The following CLCN7 variants were observed in gnomAD, a reference collection of about 807,000 sequenced individuals.
CLCN7 encodes the protein H(+)/Cl(-) exchange transporter 7.
Under a neutral mutation model 102.1 loss-of-function variants are expected in CLCN7, and 60 were observed. That is an observed-to-expected ratio of 0.59 (90% CI 0.48 to 0.73). The LOEUF is 0.73. CLCN7 is among the 30% of genes least tolerant of loss of function. The pLI is 0.00. For synonymous variants in CLCN7, 560 were observed against 490.5 expected, an observed-to-expected ratio of 1.14 and a Z score of -1.87; for missense variants, 962 against 1,125.7, an observed-to-expected ratio of 0.85 and a Z score of 2.08.
rs529085361 is a variant in CLCN7, at chr16:1,453,308, C to A, written c.1215-415G>T. ...GATTATAGTCGTGAGGCACCGCGCC[C>A]GGCCAGGCCTGTGTTTAATCATCAA... On this transcript the variant is annotated intron_variant, in intron 14 of 24. Transcript: ENST00000382745. 6.6e-5 allele frequency among the ~76,000 whole-genome samples: 10 copies of A among 152,290 alleles called. No individual in the cohort carries two copies. The South Asian group carries it at 1.9e-3, about 28-fold the overall frequency.
At chr16:1,455,082 G>C (rs2038812980) in intron 12 of CLCN7, 52 bp downstream of exon 12, 1 of 1,062,856 alleles carries the variant, frequency 9.4e-7, no homozygotes, top group African/African-American at 1.6e-5. Context: ...TAAGCAAACA[G>C]GGTCCTGGAC....
At chr16:1,469,912 C>T (rs991161399) in intron 1 of CLCN7, among the ~76,000 whole-genome samples, 1 of 152,220 alleles carries the variant, frequency 6.6e-6, no homozygotes, top group Non-Finnish European at 1.5e-5. Context: ...CGTGCTGCAG[C>T]ACGACGGGCC....
In CLCN7 at chr16:1,445,962, A is replaced by C; in HGVS notation, c.*669T>G. The C allele has an allele frequency of 2.9e-6, 1 of 346,748 alleles. No individual in the cohort carries two copies. The highest frequency in any genetic ancestry group is 5.3e-6 in the Non-Finnish European group (1 of 189,974). 21.5% of individuals were successfully genotyped at this position (346,748 alleles called of 1,614,324 possible). ...TTGGAGGTTTTTCTCAGCTCTCAAC[A>C]TCACAGCACAGGGCCCGTGAGTCAC... is the stretch of plus-strand genomic sequence containing the variant. On this transcript the variant is annotated 3_prime_UTR_variant, in exon 25 of 25. Coordinates refer to ENST00000382745, the MANE Select transcript of CLCN7 (RefSeq NM_001287.6).
intron 1 of CLCN7, among the ~76,000 whole-genome samples, chr16:1,468,027 G>A (rs572366204): frequency 2.0e-5 from 3 of 152,128 alleles, no homozygotes; most frequent in South Asian, 4.1e-4. Flanking sequence ...AGGCTACAGT[G>A]AGCTATGGTT....
chr16:1,448,472 G>T lies in CLCN7; in HGVS notation c.1896C>A (p.Ser632Arg). 6.2e-7 allele frequency: 1 copy of T among 1,610,310 alleles called. No individual in the cohort carries two copies. Among genetic ancestry groups the T allele is most frequent in the South Asian group, 1.1e-5 (1 of 91,074 alleles). Residue 632 changes from serine (S) to arginine (R), a missense_variant, in exon 21 of 25, where the codon AGC becomes AGA. Coordinates refer to ENST00000382745, the MANE Select transcript of CLCN7 (RefSeq NM_001287.6). ...SHSLTAREVM[S>R]TPVTCLRRRE... The stretch of plus-strand genomic sequence containing the variant: ...GCCGCCTCAGGCAGGTCACTGGTGT[G>T]CTCATCACCTCCCTGCCGGAGGAGC...
intron 21 of CLCN7, 167 bp downstream of exon 21, chr16:1,448,188 G>T (rs539741237): frequency 8.4e-6 from 8 of 948,120 alleles, no homozygotes; most frequent in Non-Finnish European, 1.1e-5. Context: ...CAGCCTCAGC[G>T]TCCACACAGC....
At chr16:1,472,900 G>A (rs1285341798) in intron 1 of CLCN7, among the ~76,000 whole-genome samples, 1 of 149,814 alleles carries the variant, frequency 6.7e-6, no homozygotes, top group East Asian at 1.9e-4. Flanking sequence ...GCCAGTAGCT[G>A]GGACTACAGA....
chr16:1,451,114 G>A (rs2038741261), intron 16 of CLCN7, among the ~76,000 whole-genome samples: 2 of 152,246 alleles, frequency 1.3e-5, no homozygotes, highest in African/African-American at 4.8e-5. Flanking sequence ...AGAGGTGAAA[G>A]GCCGGCACTC....
At chr16:1,448,870 C>T in intron 19 of CLCN7, 96 bp downstream of exon 19, 2 of 1,598,878 alleles carry the variant, frequency 1.3e-6, no homozygotes, top group Non-Finnish European at 1.7e-6. Context: ...AACCCTGAGC[C>T]TACCCCCCGG....
At chr16:1,453,991 A>G in intron 13 of CLCN7, 97 bp from the exon 14 acceptor site, 2 of 1,228,200 alleles carry the variant, frequency 1.6e-6, no homozygotes, top group Non-Finnish European at 1.2e-6. Context: ...GAGGGTTTGC[A>G]GAGGGAAGGG....
chr16:1,467,193 CCAGA>C (rs370170723), intron 1 of CLCN7, among the ~76,000 whole-genome samples: 18 of 152,016 alleles, frequency 1.2e-4, no homozygotes, highest in Admixed American at 2.6e-4. Flanking sequence ...GGAGCAGAGG[CCAGA>C]CAGACAGACA....
chr16:1,457,211 GC>G lies in CLCN7; in HGVS notation c.822+42del. On this transcript the variant is annotated intron_variant, in intron 9 of 24. Coordinates refer to ENST00000382745, the MANE Select transcript of CLCN7 (RefSeq NM_001287.6). This position sits in a 1 kb window ranked among gnomAD's most constrained non-coding sequence, Gnocchi z 5.4. ...CTCCCTGAGTGGTGCCCGTGCCCGT[GC>G]CCATGGCATCTGGAGCCCACCCACA... 6.4e-7 allele frequency: 1 copy of G among 1,558,510 alleles called. No individual in the cohort carries two copies. The highest frequency in any genetic ancestry group is 1.1e-5 in the South Asian group (1 of 90,050).
intron 10 of CLCN7, 83 bp downstream of exon 10, chr16:1,456,030 G>T: frequency 8.3e-7 from 1 of 1,208,618 alleles, no homozygotes; most frequent in Non-Finnish European, 1.2e-6. Flanking sequence ...CCCTCAGCGG[G>T]CACTGGGCCT....
In CLCN7 at chr16:1,445,810, A is replaced by C; in HGVS notation, c.*821T>G. ...TAGGGGAAGACCTGCCTTCCCAGCC[A>C]GTGTCCACAGGGCAGCAATTCCACG... On this transcript the variant is annotated 3_prime_UTR_variant, in exon 25 of 25. Transcript: ENST00000382745. 6.2e-6 allele frequency: 1 copy of C among 160,614 alleles called. No individual in the cohort carries two copies. Among genetic ancestry groups the C allele is most frequent in the Non-Finnish European group, 1.4e-5 (1 of 73,582 alleles). 9.9% of individuals were successfully genotyped at this position (160,614 alleles called of 1,614,324 possible).
chr16:1,451,918 G>A (rs2038757925), intron 15 of CLCN7: 2 of 599,262 alleles, frequency 3.3e-6, no homozygotes, highest in African/African-American at 1.8e-5. Flanking sequence ...GGTCACGGAG[G>A]GAAAGGAGGA....
chr16:1,460,802 A>T lies in CLCN7; in HGVS notation c.484+14T>A. On this transcript the variant is annotated intron_variant, in intron 5 of 24. Transcript: ENST00000382745. ...CCCCCTCCCAAGCTGCAGCGGCCGC[A>T]CTGGGAAGGATACTGCCCTTGATGA... 1 of 1,613,828 alleles carries T rather than the reference A, an allele frequency of 6.2e-7. No individual in the cohort carries two copies. The highest frequency in any genetic ancestry group is 8.5e-7 in the Non-Finnish European group (1 of 1,179,918).
chr16:1,465,243 G>C (rs1467992922), intron 2 of CLCN7, 24 bp downstream of exon 2: 1 of 1,605,984 alleles, frequency 6.2e-7, no homozygotes. Context: ...CTCTGCGGGA[G>C]GACGGGGAAC....
Position 1,461,390 on chromosome 16 carries a change from CG to C in CLCN7, c.351+14del. ...CCGCACCGTGGGGCCCTGCAGGGAG[CG>C]GCGTCCAGCTCACCGTGTGATTGAT... On this transcript the variant is annotated intron_variant, in intron 4 of 24. Coordinates refer to ENST00000382745, the MANE Select transcript of CLCN7 (RefSeq NM_001287.6). 2 of 1,547,382 alleles carry C rather than the reference CG, an allele frequency of 1.3e-6. No homozygotes were observed. The highest frequency in any genetic ancestry group is 1.7e-6 in the Non-Finnish European group (2 of 1,145,858).
In CLCN7 at chr16:1,446,057, C is replaced by T. The variant is rs899665281; in HGVS notation, c.*574G>A. On this transcript the variant is annotated 3_prime_UTR_variant, in exon 25 of 25. Coordinates refer to ENST00000382745, the MANE Select transcript of CLCN7 (RefSeq NM_001287.6). The stretch of plus-strand genomic sequence containing the variant: ...GAGTGCACGTGGGGCTCCTCTGTGG[C>T]GCCAGTGTGAAGCTGCTCTCCGGGG... The T allele has an allele frequency of 5.3e-5, 31 of 579,826 alleles. 1 individual carries two copies. Among genetic ancestry groups the T allele is most frequent in the South Asian group, 2.4e-4 (11 of 46,264 alleles). 35.9% of individuals were successfully genotyped at this position (579,826 alleles called of 1,614,324 possible). A position where few individuals can be genotyped will look rare whatever the true frequency, so the allele number is the denominator to read the frequency against.
Sources: allele counts gnomAD v4.1 joint callset (sites outside exome capture counted in the v4.1 genomes callset), GRCh38; gene constraint gnomAD v4.1.1; non-coding constraint Gnocchi (gnomAD v3.1); transcripts MANE v1.5; gene names NCBI Gene and HGNC (gene_info 2026-07-23, HGNC 2026-07-21).